The following KDM3B variants were observed in gnomAD, a reference collection of about 807,000 sequenced individuals.
KDM3B encodes the protein lysine demethylase 3B.
In KDM3B, 10 loss-of-function variants were observed where a neutral mutation model predicts 170.0. That is an observed-to-expected ratio of 0.06 (90% CI 0.04 to 0.10). KDM3B has a LOEUF of 0.10. Among genes scored for constraint, KDM3B ranks in the 10% least tolerant of loss-of-function variants. The pLI, the probability that KDM3B is intolerant of heterozygous loss-of-function variation, is 1.00. For missense variants in KDM3B, 1,394 were observed against 2,195.2 expected (o/e 0.64, Z 7.29); for synonymous variants, 831 against 834.8 (o/e 1.00, Z 0.08).
At chr5:138,423,839 A>G (rs1411560918) in intron 15 of KDM3B, among the ~76,000 whole-genome samples, 1 of 152,230 alleles carries the variant, frequency 6.6e-6, no homozygotes, top group Non-Finnish European at 1.5e-5. Context: ...TCTCGAGGCA[A>G]AAGGGATCTT....
Position 138,391,185 on chromosome 5 carries a change from A to G in KDM3B, c.1553A>G (p.Asp518Gly). Residue 518 changes from aspartate to glycine, a missense_variant, in exon 8 of 24, where the codon GAC becomes GGC. Around this residue, in one of 19 missense-constraint regions of KDM3B, gnomAD observed 294 missense variants for 311.7 expected, o/e 0.94. Coordinates refer to ENST00000314358, the MANE Select transcript of KDM3B (RefSeq NM_016604.4). The surrounding 1 kb of genome is among the most constrained non-coding windows in gnomAD (Gnocchi z 5.0). ...GCSSAQEAQK[D>G]TDLSKNLFFQ... ...AGCTCTGCACAAGAGGCACAGAAAG[A>G]CACTGATCTCTCCAAAAACTTGTTT... is the stretch of plus-strand genomic sequence containing the variant. The G allele has an allele frequency of 6.2e-7, 1 of 1,614,134 alleles. No individual in the cohort carries two copies. The highest frequency in any genetic ancestry group is 1.3e-5 in the African/African-American group (1 of 75,042).
At chr5:138,410,967 A>G (rs1762952473) in intron 11 of KDM3B, among the ~76,000 whole-genome samples, 1 of 152,252 alleles carries the variant, frequency 6.6e-6, no homozygotes, top group African/African-American at 2.4e-5. Context: ...GAAGCACAGC[A>G]TCACAGGGAG....
chr5:138,379,744 A>T (rs1276567145), intron 5 of KDM3B, 36 bp downstream of exon 5: 1 of 1,589,790 alleles, frequency 6.3e-7, no homozygotes, highest in African/African-American at 1.4e-5. Context: ...AGGTCCATCC[A>T]TCCCCTTAAA....
At chr5:138,379,781 T>A in intron 5 of KDM3B, 73 bp downstream of exon 5, 1 of 1,412,350 alleles carries the variant, frequency 7.1e-7, no homozygotes, top group Non-Finnish European at 9.6e-7. Flanking sequence ...GGCGAGCACT[T>A]CATTATGTGT....
rs1490428537 is a variant in KDM3B, at chr5:138,381,599, A to G, written c.780+9A>G. On this transcript the variant is annotated intron_variant, in intron 6 of 23. Transcript: ENST00000314358. ...CAGCGCCTCAAAGCGAGGTACAGTAATGGACTGCATTCCTGAGCAGACTCA... is the reference window on the plus strand; with the variant it reads ...CAGCGCCTCAAAGCGAGGTACAGTAGTGGACTGCATTCCTGAGCAGACTCA... The G allele has an allele frequency of 6.5e-7, 1 of 1,536,650 alleles. No homozygotes were observed. The highest frequency in any genetic ancestry group is 1.7e-5 in the Admixed American group (1 of 59,908).
chr5:138,364,162 C>T (rs977671356), intron 1 of KDM3B, among the ~76,000 whole-genome samples: 21 of 152,088 alleles, frequency 1.4e-4, no homozygotes, highest in African/African-American at 3.9e-4. Context: ...AAGTGATCTG[C>T]CTGCCTCAGT....
intron 1 of KDM3B, among the ~76,000 whole-genome samples, chr5:138,353,368 C>T (rs1761377263): frequency 6.6e-6 from 1 of 152,240 alleles, no homozygotes; most frequent in Non-Finnish European, 1.5e-5. Context: ...AAGACGCGGA[C>T]CTGTGGTCCC....
chr5:138,419,766 C>CACACACAT (rs1371751932), intron 14 of KDM3B, among the ~76,000 whole-genome samples: 3 of 131,996 alleles, frequency 2.3e-5, no homozygotes, highest in African/African-American at 8.3e-5. Context: ...CACACACACA[C>CACACACAT]ATATATATGA....
chr5:138,393,459 C>T (rs995591878), intron 9 of KDM3B, 87 bp downstream of exon 9: 1 of 1,146,002 alleles, frequency 8.7e-7, no homozygotes, highest in South Asian at 1.4e-5. Context: ...AAACATGTTT[C>T]ATCATCTTGG....
intron 11 of KDM3B, among the ~76,000 whole-genome samples, chr5:138,402,503 C>A (rs1762717770): frequency 6.6e-6 from 1 of 152,204 alleles, no homozygotes; most frequent in African/African-American, 2.4e-5. Flanking sequence ...GATATCAGTA[C>A]TTCCCTCACA....
chr5:138,355,710 T>C (rs760585084), intron 1 of KDM3B, among the ~76,000 whole-genome samples: 1 of 152,208 alleles, frequency 6.6e-6, no homozygotes, highest in African/African-American at 2.4e-5. Context: ...TGTTCCTAAA[T>C]CATTATTGGC....
chr5:138,431,645 G>T, intron 23 of KDM3B, 86 bp downstream of exon 23: 1 of 1,213,030 alleles, frequency 8.2e-7, no homozygotes, highest in Non-Finnish European at 1.1e-6. Flanking sequence ...CCTTTCTGAG[G>T]GTATTCTCCG....
rs144273490 is a variant in KDM3B at position 138,392,062 on chromosome 5, G to A, written c.2430G>A (p.Ser810=). Residue 810 remains serine, a synonymous_variant, in exon 8 of 24, where the codon TCG becomes TCA. Coordinates refer to ENST00000314358, the MANE Select transcript of KDM3B (RefSeq NM_016604.4). ...GAAGCTTGGCTTGCAGACAAGACTCGGACTCCAGCACCAACAGTGACCTGT... is the reference window on the plus strand; with the variant it reads ...GAAGCTTGGCTTGCAGACAAGACTCAGACTCCAGCACCAACAGTGACCTGT... ...DERSLACRQD[S]DSSTNSDLSD... The A allele has an allele frequency of 2.0e-3, 3,196 of 1,613,866 alleles. 8 individuals are homozygous for A. The highest frequency in any genetic ancestry group is 2.4e-3 in the Non-Finnish European group (2,868 of 1,179,772).
intron 1 of KDM3B, among the ~76,000 whole-genome samples, chr5:138,356,636 CT>C (rs539401228): frequency 8.6e-4 from 74 of 85,992 alleles, no homozygotes; most frequent in South Asian, 5.8e-3. Context: ...TGTCTCTTGA[CT>C]TTTTTTTTTT....
intron 17 of KDM3B, among the ~76,000 whole-genome samples, chr5:138,426,556 CAGAGCG>C (rs1763398204): frequency 8.0e-6 from 1 of 124,748 alleles, no homozygotes; most frequent in Admixed American, 1.0e-4. Context: ...GCCTGGGCAA[CAGAGCG>C]AGACTCCATC....
intron 11 of KDM3B, among the ~76,000 whole-genome samples, chr5:138,409,110 T>C (rs949540753): frequency 2.6e-5 from 4 of 152,220 alleles, no homozygotes; most frequent in Non-Finnish European, 5.9e-5. Flanking sequence ...CTTCTTCCTC[T>C]TAGGTTCAGG....
At position 138,352,858 on chromosome 5, in the gene KDM3B, GGCCTCA is replaced by G. The variant is rs1401249843; in HGVS notation, c.69_74del (p.Ser27_Ala28del). On this transcript the variant is annotated inframe_deletion, in exon 1 of 24. Transcript: ENST00000314358. ...TGCTGCTGCTGTTCGCGGACACTGC[GGCCTCA>G]GCCTCGGCCTCGGCTCCCGCGGCGG... The G allele has an allele frequency of 2.1e-5, 29 of 1,376,412 alleles. No homozygotes were observed. The highest frequency in any genetic ancestry group is 2.6e-4 in the Middle Eastern group (1 of 3,788). 85.3% of individuals were successfully genotyped at this position (1,376,412 alleles called of 1,614,324 possible).
At chr5:138,430,618 G>C (rs887643538) in intron 22 of KDM3B, among the ~76,000 whole-genome samples, 193 bp downstream of exon 22, 5 of 152,162 alleles carry the variant, frequency 3.3e-5, no homozygotes, top group Admixed American at 3.3e-4. Context: ...GGGCGGTCCT[G>C]GTAGCTCAAC....
intron 15 of KDM3B, among the ~76,000 whole-genome samples, chr5:138,422,555 GC>G (rs1276620805): frequency 6.6e-6 from 1 of 152,048 alleles, no homozygotes; most frequent in African/African-American, 2.4e-5. Flanking sequence ...CAGGAGAATC[GC>G]CTGAACCTGG....
Sources: gnomAD v4.1 joint callset for allele counts (sites outside exome capture counted in the v4.1 genomes callset) on GRCh38, gnomAD v4.1.1 for gene constraint, gnomAD v4.1.1 regional missense constraint, Gnocchi (gnomAD v3.1) non-coding constraint, MANE v1.5 for transcripts, NCBI Gene and HGNC (gene_info 2026-07-23, HGNC 2026-07-21) for gene names.